Variants in RYR3 observed in about 807,000 individuals in gnomAD.
RYR3 encodes ryanodine receptor 3.
Under a neutral mutation model 584.3 loss-of-function variants are expected in RYR3, and 207 were observed. That is an observed-to-expected ratio of 0.35 (90% CI 0.32 to 0.40). The LOEUF is 0.40. RYR3 is among the 10% of genes least tolerant of loss of function. The pLI is 1.00. For missense variants in RYR3, 5,616 were observed against 6,089.2 expected (o/e 0.92, Z 2.59); for synonymous variants, 2,416 against 2,248.5 (o/e 1.07, Z -2.11).
intron 1 of RYR3, among the ~76,000 whole-genome samples, chr15:33,413,163 G>A (rs2676022): frequency 0.093 from 14,162 of 152,210 alleles, 2,263 homozygotes; most frequent in African/African-American, 0.32. Flanking sequence ...TTGTTATGCC[G>A]TTTGAGAAAA....
rs930277949 is a variant in RYR3, at chr15:33,757,464, G to A, written c.8584-11G>A. The A allele has an allele frequency of 2.5e-6, 4 of 1,600,142 alleles. No homozygotes were observed. The highest frequency in any genetic ancestry group is 1.3e-5 in the African/African-American group (1 of 74,698). ...AGCTTCCTAGAAGTTGATTTCTGGT[G>A]CGTTTCCCAGGTTCTCCTCCCGCTG... On this transcript the variant is annotated splice_polypyrimidine_tract_variant and intron_variant, in intron 59 of 103. Coordinates refer to ENST00000634891, the MANE Select transcript of RYR3 (RefSeq NM_001036.6).
At position 33,390,824 on chromosome 15, in the gene RYR3, TA is replaced by T. The variant is rs1360930534; in HGVS notation, c.51+79730del. Among the ~76,000 whole-genome samples, 1 of 152,146 alleles carries T rather than the reference TA, an allele frequency of 6.6e-6. No homozygotes were observed. Among genetic ancestry groups the T allele is most frequent in the Non-Finnish European group, 1.5e-5 (1 of 68,026 alleles). ...ATAAAAACCCTGGATGCTGACTCCA[TA>T]ATGGGATCCCCAGGCAGAGACATTG... On this transcript the variant is annotated intron_variant, in intron 1 of 103. Transcript: ENST00000634891. This position sits in a 1 kb window ranked among gnomAD's most constrained non-coding sequence, Gnocchi z 4.2.
At chr15:33,673,467 G>A (rs994200911) in intron 38 of RYR3, among the ~76,000 whole-genome samples, 1 of 152,172 alleles carries the variant, frequency 6.6e-6, no homozygotes, top group Non-Finnish European at 1.5e-5. Context: ...TATTATCAAA[G>A]GATCAAATGA....
At chr15:33,715,528 CTA>C (rs1443488721) in intron 43 of RYR3, among the ~76,000 whole-genome samples, 2 of 152,176 alleles carry the variant, frequency 1.3e-5, no homozygotes, top group African/African-American at 2.4e-5. Flanking sequence ...TTCTTAACAT[CTA>C]TGTTACACCT....
At chr15:33,739,117 T>C (rs1303831719) in intron 50 of RYR3, among the ~76,000 whole-genome samples, 1 of 152,190 alleles carries the variant, frequency 6.6e-6, no homozygotes, top group Admixed American at 6.5e-5. Context: ...AACGGTGTGA[T>C]TGAAGTAGAG....
At chr15:33,781,547 T>C (rs1181620189) in intron 65 of RYR3, among the ~76,000 whole-genome samples, 1 of 152,170 alleles carries the variant, frequency 6.6e-6, no homozygotes, top group East Asian at 1.9e-4. Flanking sequence ...ACTGCTGTTT[T>C]TTTCATCTAA....
At chr15:33,559,649 G>T (rs1018718671) in intron 10 of RYR3, among the ~76,000 whole-genome samples, 4 of 152,194 alleles carry the variant, frequency 2.6e-5, no homozygotes, top group African/African-American at 9.7e-5. Flanking sequence ...GGAAGGCAGA[G>T]GAATATTGCC....
At chr15:33,381,394 G>C (rs1893707218) in intron 1 of RYR3, among the ~76,000 whole-genome samples, 1 of 150,774 alleles carries the variant, frequency 6.6e-6, no homozygotes, top group Non-Finnish European at 1.5e-5. Context: ...TGTCACCAGT[G>C]CCCCAAACAG....
chr15:33,375,294 G>T (rs1393632250), intron 1 of RYR3, among the ~76,000 whole-genome samples: 1 of 152,192 alleles, frequency 6.6e-6, no homozygotes, highest in Non-Finnish European at 1.5e-5. Context: ...TATTGTTATT[G>T]CTGTTGTTAT....
chr15:33,722,234 A>T (rs2067987179), intron 43 of RYR3, among the ~76,000 whole-genome samples: 1 of 152,164 alleles, frequency 6.6e-6, no homozygotes, highest in African/African-American at 2.4e-5. Flanking sequence ...TGAGGTAATC[A>T]AGATGTAAAG....
chr15:33,379,864 C>A (rs1028318296), intron 1 of RYR3, among the ~76,000 whole-genome samples: 1 of 151,940 alleles, frequency 6.6e-6, no homozygotes, highest in African/African-American at 2.4e-5. Flanking sequence ...AGTCTGTGAA[C>A]GAAGGCCCCA....
intron 69 of RYR3, among the ~76,000 whole-genome samples, chr15:33,802,977 G>A (rs1314367100): frequency 6.6e-6 from 1 of 152,158 alleles, no homozygotes; most frequent in Admixed American, 6.5e-5. Context: ...ATAACCATTT[G>A]GGATGGAGGT....
In RYR3 at chr15:33,363,179, T is replaced by C. The variant is rs531397536; in HGVS notation, c.51+52083T>C. On this transcript the variant is annotated intron_variant, in intron 1 of 103. Transcript: ENST00000634891. ...TAGAGGAGAGAAAGCAGAGAACTTA[T>C]GTAGGTAGGGTGCTCTTTTTCTCTC... 3.9e-5 allele frequency among the ~76,000 whole-genome samples: 6 copies of C among 152,318 alleles called. No individual in the cohort carries two copies. The South Asian group carries it at 6.2e-4, about 16-fold the overall frequency.
intron 3 of RYR3, among the ~76,000 whole-genome samples, chr15:33,528,546 A>AT (rs1354479821): frequency 8.5e-5 from 13 of 152,102 alleles, no homozygotes; most frequent in Non-Finnish European, 1.5e-5. Flanking sequence ...TTGTAACATC[A>AT]TTTTTATACA....
intron 1 of RYR3, among the ~76,000 whole-genome samples, chr15:33,391,441 C>T (rs1394462991): frequency 6.6e-6 from 1 of 151,954 alleles, no homozygotes; most frequent in African/African-American, 2.4e-5. Flanking sequence ...TCCTGGCTAA[C>T]ACGGTGAAAC....
intron 1 of RYR3, among the ~76,000 whole-genome samples, chr15:33,401,114 T>C (rs1312820238): frequency 6.6e-6 from 1 of 152,084 alleles, no homozygotes. Context: ...ATGGGAAGTG[T>C]CCCCCTTGAG....
chr15:33,711,522 C>T (rs2067122298), intron 43 of RYR3, among the ~76,000 whole-genome samples: 1 of 152,180 alleles, frequency 6.6e-6, no homozygotes, highest in African/African-American at 2.4e-5. Flanking sequence ...GGATTATAGG[C>T]ATGAGCCACC....
chr15:33,738,320 C>G, intron 49 of RYR3, 130 bp from the exon 50 acceptor site: 1 of 907,312 alleles, frequency 1.1e-6, no homozygotes, highest in South Asian at 1.8e-5. Flanking sequence ...TCTTTGTAGA[C>G]AGCCCAGCTG....
At chr15:33,601,652 C>A in intron 17 of RYR3, 100 bp downstream of exon 17, 2 of 1,279,348 alleles carry the variant, frequency 1.6e-6, no homozygotes, top group South Asian at 1.3e-5. Context: ...GTTGCCCACC[C>A]ATTGTTTCCA....
Sources: gnomAD v4.1 joint callset for allele counts (sites outside exome capture counted in the v4.1 genomes callset) on GRCh38, gnomAD v4.1.1 for gene constraint, Gnocchi (gnomAD v3.1) non-coding constraint, MANE v1.5 for transcripts, NCBI Gene and HGNC (gene_info 2026-07-23, HGNC 2026-07-21) for gene names.